NELL2: variants seen among roughly 807,000 people sequenced by gnomAD.
The protein encoded by NELL2 is protein kinase C-binding protein NELL2.
A neutral mutation model predicts 109.6 loss-of-function variants in NELL2; 41 were observed. That is an observed-to-expected ratio of 0.37 (90% CI 0.29 to 0.49). The LOEUF is 0.49. Among genes scored for constraint, NELL2 ranks in the 20% least tolerant of loss-of-function variants. The probability of loss-of-function intolerance (pLI) is 0.98; values close to 1 mark genes in which losing one functional copy is unlikely to be tolerated. For synonymous variants in NELL2, 355 were observed against 344.7 expected (o/e 1.03, Z -0.33); for missense variants, 900 against 1,008.3 (o/e 0.89, Z 1.45).
chr12:44,788,592 G>A (rs1414294518), intron 3 of NELL2, among the ~76,000 whole-genome samples: 1 of 152,202 alleles, frequency 6.6e-6, no homozygotes, highest in East Asian at 1.9e-4. Context: ...CATGGGGGAA[G>A]ATGTCAAAGG....
At chr12:44,513,439 A>T (rs2138961406) in intron 19 of NELL2, among the ~76,000 whole-genome samples, 1 of 151,990 alleles carries the variant, frequency 6.6e-6, no homozygotes, top group East Asian at 1.9e-4. Context: ...AAAAGCAGTG[A>T]ATGGAAAATG....
intron 12 of NELL2, among the ~76,000 whole-genome samples, chr12:44,676,628 C>T (rs904312708): frequency 4.6e-5 from 7 of 152,144 alleles, no homozygotes; most frequent in Admixed American, 2.0e-4. Flanking sequence ...TTGTATGGTA[C>T]ATTCCTCAAA....
intron 19 of NELL2, among the ~76,000 whole-genome samples, chr12:44,516,163 A>T (rs531836727): frequency 6.6e-6 from 1 of 152,122 alleles, no homozygotes; most frequent in South Asian, 2.1e-4. Context: ...TAATTAGAAT[A>T]TATTATATAA....
At chr12:44,764,473 T>G (rs1268718156) in intron 9 of NELL2, among the ~76,000 whole-genome samples, 1 of 152,216 alleles carries the variant, frequency 6.6e-6, no homozygotes, top group Non-Finnish European at 1.5e-5. Context: ...ATAACTATTA[T>G]AAAATCATAT....
At chr12:44,650,038 C>A (rs933888038) in intron 13 of NELL2, among the ~76,000 whole-genome samples, 5 of 152,198 alleles carry the variant, frequency 3.3e-5, no homozygotes, top group African/African-American at 9.7e-5. Context: ...AAACCTACAG[C>A]CTCAGGCTGC....
At chr12:44,875,651 G>GA in intron 1 of NELL2, 164 bp downstream of exon 1, 1 of 1,578,208 alleles carries the variant, frequency 6.3e-7, no homozygotes, top group Admixed American at 1.9e-5. Context: ...TCCAAGGCAA[G>GA]CACAGAAAAA....
At chr12:44,900,153 A>G (rs1945643887) in intron 1 of NELL2, among the ~76,000 whole-genome samples, 1 of 152,218 alleles carries the variant, frequency 6.6e-6, no homozygotes, top group African/African-American at 2.4e-5. Flanking sequence ...ACTCCCACAC[A>G]ATAATAGTGG....
At chr12:44,753,721 C>A (rs1940757377) in intron 9 of NELL2, among the ~76,000 whole-genome samples, 1 of 152,116 alleles carries the variant, frequency 6.6e-6, no homozygotes. Flanking sequence ...ATGATTGCTA[C>A]AGGGCTGGTA....
intron 12 of NELL2, among the ~76,000 whole-genome samples, chr12:44,691,003 T>C (rs1327286744): frequency 1.3e-5 from 2 of 152,190 alleles, no homozygotes. Context: ...ATAGACTTGA[T>C]TATGAATATT....
At chr12:44,824,284 T>G (rs1943634654) in intron 2 of NELL2, among the ~76,000 whole-genome samples, 1 of 152,238 alleles carries the variant, frequency 6.6e-6, no homozygotes, top group Non-Finnish European at 1.5e-5. Flanking sequence ...CAATCTCATT[T>G]GCCTCTTTGC....
chr12:44,545,617 A>G (rs1294604562), intron 15 of NELL2, among the ~76,000 whole-genome samples: 1 of 152,084 alleles, frequency 6.6e-6, no homozygotes, highest in East Asian at 1.9e-4. Flanking sequence ...AGTTCAAAGA[A>G]AATTAGTCCA....
intron 9 of NELL2, among the ~76,000 whole-genome samples, chr12:44,772,858 C>T (rs751461591): frequency 3.3e-5 from 5 of 151,952 alleles, no homozygotes; most frequent in Non-Finnish European, 7.4e-5. Context: ...CTATATGAAG[C>T]AAACAGTTGG....
At chr12:44,649,009 G>A (rs148550578) in intron 13 of NELL2, among the ~76,000 whole-genome samples, 68 of 149,642 alleles carry the variant, frequency 4.5e-4, no homozygotes, top group African/African-American at 1.3e-3. Context: ...CAGGCAATCC[G>A]CCCACCTTGG....
At chr12:44,623,950 C>T (rs1449504377) in intron 13 of NELL2, among the ~76,000 whole-genome samples, 1 of 151,798 alleles carries the variant, frequency 6.6e-6, no homozygotes, top group Non-Finnish European at 1.5e-5. Context: ...AACACATGGA[C>T]ACAGGGAGGG....
chr12:44,549,508 T>C (rs141893992), intron 15 of NELL2, among the ~76,000 whole-genome samples: 202 of 152,306 alleles, frequency 1.3e-3, no homozygotes, highest in African/African-American at 4.6e-3. Context: ...ACATTTTGGC[T>C]CTATTTACTA....
intron 3 of NELL2, among the ~76,000 whole-genome samples, chr12:44,791,108 T>TATATATAC (rs1491303180): frequency 1.1e-4 from 2 of 18,790 alleles, no homozygotes; most frequent in African/African-American, 5.0e-4. Flanking sequence ...TATATATATA[T>TATATATAC]GTATATATAT....
chr12:44,905,588 C>T (rs1945710713), intron 1 of NELL2, among the ~76,000 whole-genome samples: 1 of 151,930 alleles, frequency 6.6e-6, no homozygotes, highest in African/African-American at 2.4e-5. Flanking sequence ...ATATAAATTC[C>T]TTAATTAATA....
At chr12:44,899,675 CA>C (rs1169446162) in intron 1 of NELL2, among the ~76,000 whole-genome samples, 4 of 151,730 alleles carry the variant, frequency 2.6e-5, no homozygotes, top group Admixed American at 6.6e-5. Flanking sequence ...AAATGTAAAG[CA>C]TCGACACTAT....
At chr12:44,716,446 CTATG>C (rs1163871097) in intron 9 of NELL2, among the ~76,000 whole-genome samples, 1 of 152,010 alleles carries the variant, frequency 6.6e-6, no homozygotes, top group Non-Finnish European at 1.5e-5. Flanking sequence ...CAAAATGAAA[CTATG>C]TATTTGTCAG....
Sources: gnomAD v4.1 joint callset for allele counts (sites outside exome capture counted in the v4.1 genomes callset) on GRCh38, gnomAD v4.1.1 for gene constraint, MANE v1.5 for transcripts, NCBI Gene and HGNC (gene_info 2026-07-23, HGNC 2026-07-21) for gene names.